Variants in PARP12 observed in about 807,000 individuals in gnomAD.
PARP12 encodes the protein protein mono-ADP-ribosyltransferase PARP12.
A neutral mutation model predicts 72.4 loss-of-function variants in PARP12; 59 were observed. The observed-to-expected ratio is 0.81, with a 90% CI of 0.66 to 1.01. The LOEUF is 1.01. Among genes scored for constraint, PARP12 ranks in the 50% least tolerant of loss-of-function variants. The pLI is 0.00. For missense variants in PARP12, 851 were observed against 914.0 expected, an observed-to-expected ratio of 0.93 and a Z score of 0.89; for synonymous variants, 403 against 371.4, an observed-to-expected ratio of 1.09 and a Z score of -0.98.
chr7:140,032,430 G>C (rs576927882), intron 8 of PARP12, among the ~76,000 whole-genome samples: 1 of 151,976 alleles, frequency 6.6e-6, no homozygotes, highest in Admixed American at 6.5e-5. Flanking sequence ...TTCCATCTTG[G>C]CCTCCCAAAG....
chr7:140,040,290 T>A (rs1471408608), intron 6 of PARP12, among the ~76,000 whole-genome samples: 1 of 151,732 alleles, frequency 6.6e-6, no homozygotes. Context: ...TCTGGATGAG[T>A]CCCACAGGGC....
chr7:140,025,217 TG>T (rs546177015), intron 11 of PARP12: 174 of 341,418 alleles, frequency 5.1e-4, no homozygotes, highest in Non-Finnish European at 7.8e-4. Flanking sequence ...AGGCATAAAA[TG>T]GGGCTGTTCA....
At chr7:140,044,038 G>T (rs1370873089) in intron 5 of PARP12, among the ~76,000 whole-genome samples, 1 of 152,182 alleles carries the variant, frequency 6.6e-6, no homozygotes, top group African/African-American at 2.4e-5. Flanking sequence ...GAGAATTCCA[G>T]AGAAGGAATA....
Position 140,052,782 on chromosome 7 carries a change from TA to T in PARP12, c.862+1879del, listed in dbSNP as rs564901956. Among the ~76,000 whole-genome samples, 82 of 150,456 alleles carry T rather than the reference TA, an allele frequency of 5.5e-4. 1 individual carries two copies. The highest frequency in any genetic ancestry group is 2.0e-3 in the African/African-American group (81 of 40,412). ...TGTGTGTGTGTGTAAAGCTGTTATA[TA>T]AAAAATAGGCAAAAGATTTGAGTAG... On this transcript the variant is annotated intron_variant, in intron 4 of 11. Coordinates refer to ENST00000263549, the MANE Select transcript of PARP12 (RefSeq NM_022750.4).
In PARP12 at chr7:140,028,693, A is replaced by G; in HGVS notation, c.1422-5T>C. On this transcript the variant is annotated splice_polypyrimidine_tract_variant and splice_region_variant and intron_variant, in intron 8 of 11. Coordinates refer to ENST00000263549, the MANE Select transcript of PARP12 (RefSeq NM_022750.4). ...GGGCCTGGAAACTTGGTATTGCTAC[A>G]AAAATGTAAACAAAAACACGTAGAC... is the stretch of plus-strand genomic sequence containing the variant. 1 of 1,595,928 alleles carries G rather than the reference A, an allele frequency of 6.3e-7. No individual in the cohort carries two copies. Among genetic ancestry groups the G allele is most frequent in the East Asian group, 2.3e-5 (1 of 44,396 alleles).
intron 8 of PARP12, among the ~76,000 whole-genome samples, chr7:140,032,349 T>TA (rs1174800872): frequency 8.7e-4 from 127 of 145,276 alleles, no homozygotes; most frequent in African/African-American, 2.8e-3. Flanking sequence ...TTTTTTTAAT[T>TA]AAAAAAAAAA....
At chr7:140,029,109 A>T (rs1260671337) in intron 8 of PARP12, 2 of 153,160 alleles carry the variant, frequency 1.3e-5, no homozygotes, top group Non-Finnish European at 2.9e-5. Flanking sequence ...GCAGGAGAAA[A>T]TATGAAATAA....
Position 140,041,718 on chromosome 7 carries a change from G to C in PARP12, c.1108C>G (p.His370Asp). 1 of 1,614,220 alleles carries C rather than the reference G, an allele frequency of 6.2e-7. No homozygotes were observed. The highest frequency in any genetic ancestry group is 1.6e-4 in the Middle Eastern group (1 of 6,062). Residue 370 changes from histidine to aspartate, a missense_variant, in exon 6 of 12, where the codon CAC becomes GAC. Transcript: ENST00000263549. The stretch of plus-strand genomic sequence containing the variant: ...ATCCAGTCAGTGGTGAGGATGAAGT[G>C]TGGAGGTTTGGTGACAGAGGAGGCC... Reference protein sequence around the residue: ...STASSVTKPPHFILTTDWIWY... With the variant: ...STASSVTKPPDFILTTDWIWY...
chr7:140,034,184 C>T, intron 8 of PARP12, 51 bp downstream of exon 8: 3 of 1,589,802 alleles, frequency 1.9e-6, no homozygotes, highest in Non-Finnish European at 8.6e-7. Context: ...CACTGCAGAG[C>T]ACACCCCAGC....
chr7:140,046,766 GAAGCCCAGGCACCTCCAGACTAGGC>G, intron 5 of PARP12, 93 bp downstream of exon 5: 1 of 1,074,360 alleles, frequency 9.3e-7, no homozygotes, highest in Non-Finnish European at 1.3e-6. Context: ...GTCACACACA[GAAGCCCAGGCACCTCCAGACTAGGC>G]TGCTCACAGT....
At chr7:140,031,209 C>A (rs1815927779) in intron 8 of PARP12, among the ~76,000 whole-genome samples, 1 of 151,790 alleles carries the variant, frequency 6.6e-6, no homozygotes, top group Admixed American at 6.6e-5. Flanking sequence ...CCTGTCTCCA[C>A]AACAAATAAA....
rs1021472997 is a variant in PARP12, at chr7:140,037,773, G to A, written c.1266C>T (p.Gly422=). 1.2e-6 allele frequency: 2 copies of A among 1,614,204 alleles called. No individual in the cohort carries two copies. Among genetic ancestry groups the A allele is most frequent in the Non-Finnish European group, 1.7e-6 (2 of 1,180,006 alleles). The change falls in exon 7 of 12, where the codon GGC becomes GGT. Residue 422 remains glycine, a synonymous_variant. Transcript: ENST00000263549. The part of the protein sequence containing the change: ...YLAYCTPGSD[G]QAATLKFQAG... ...CCTGGAACTTCAAGGTGGCTGCCTGGCCGTCAGACCCCGGTGTACAGTAGG... is the reference window on the plus strand; with the variant it reads ...CCTGGAACTTCAAGGTGGCTGCCTGACCGTCAGACCCCGGTGTACAGTAGG...
intron 11 of PARP12, 33 bp downstream of exon 11, chr7:140,026,163 TG>T: frequency 1.9e-6 from 3 of 1,614,084 alleles, no homozygotes; most frequent in Non-Finnish European, 1.7e-6. Flanking sequence ...CAAAGCAACA[TG>T]GGTTTTGCTG....
At chr7:140,053,240 G>A (rs1473148647) in intron 4 of PARP12, among the ~76,000 whole-genome samples, 1 of 152,184 alleles carries the variant, frequency 6.6e-6, no homozygotes, top group Non-Finnish European at 1.5e-5. Context: ...AGTCAATCAT[G>A]CAATGGAATA....
intron 4 of PARP12, among the ~76,000 whole-genome samples, chr7:140,050,383 C>T (rs1369315780): frequency 1.3e-5 from 2 of 152,130 alleles, no homozygotes; most frequent in Non-Finnish European, 2.9e-5. Flanking sequence ...AGGGTTAGAG[C>T]AAGAGAAAAG....
chr7:140,034,201 C>T, intron 8 of PARP12, 34 bp downstream of exon 8: 1 of 1,603,066 alleles, frequency 6.2e-7, no homozygotes, highest in Non-Finnish European at 8.5e-7. Flanking sequence ...CAGCTGATTA[C>T]ATCCTAAGTA....
chr7:140,062,795 C>T lies in PARP12; in HGVS notation c.53G>A (p.Gly18Glu). 1 of 1,412,662 alleles carries T rather than the reference C, an allele frequency of 7.1e-7. No homozygotes were observed. The highest frequency in any genetic ancestry group is 1.4e-5 in the South Asian group (1 of 71,710). 87.5% of individuals were successfully genotyped at this position (1,412,662 alleles called of 1,614,324 possible). A position where few individuals can be genotyped will look rare whatever the true frequency, so the allele number is the denominator to read the frequency against. ...CAGCTCGGGCAACTCCAGGGCGCCC[C>T]CGGCCGCGCACAGCACCTGGGTGAC... ...GEVTQVLCAAGGALELPELRR... is the reference protein window; with the variant it reads ...GEVTQVLCAAEGALELPELRR... The change falls in exon 1 of 12, where the codon GGG becomes GAG. Residue 18 changes from glycine to glutamate, a missense_variant. Coordinates refer to ENST00000263549, the MANE Select transcript of PARP12 (RefSeq NM_022750.4).
chr7:140,038,746 C>T (rs1816325273), intron 6 of PARP12, among the ~76,000 whole-genome samples: 1 of 152,164 alleles, frequency 6.6e-6, no homozygotes, highest in Non-Finnish European at 1.5e-5. Context: ...TTTCCTGCTC[C>T]CCCTACTGCT....
At chr7:140,059,197 A>C (rs541809529) in intron 1 of PARP12, among the ~76,000 whole-genome samples, 2 of 152,346 alleles carry the variant, frequency 1.3e-5, no homozygotes, top group African/African-American at 4.8e-5. Flanking sequence ...GGGCCTTGCA[A>C]GGTCTAAGGC....
Sources: allele counts gnomAD v4.1 joint callset (sites outside exome capture counted in the v4.1 genomes callset), GRCh38; gene constraint gnomAD v4.1.1; transcripts MANE v1.5; gene names NCBI Gene and HGNC (gene_info 2026-07-23, HGNC 2026-07-21).